STXBP5L: variants seen among roughly 807,000 people sequenced by gnomAD.
STXBP5L encodes the protein syntaxin-binding protein 5-like.
A neutral mutation model predicts 144.5 loss-of-function variants in STXBP5L; 65 were observed. The ratio of observed to expected loss-of-function variants is 0.45; its 90% CI spans 0.37 to 0.55. STXBP5L has a LOEUF of 0.55. STXBP5L is among the 20% of genes least tolerant of loss of function. The pLI, the probability that STXBP5L is intolerant of heterozygous loss-of-function variation, is 0.00. For synonymous variants in STXBP5L, 505 were observed against 469.6 expected (o/e 1.08, Z -0.97); for missense variants, 1,298 against 1,405.5 (o/e 0.92, Z 1.22).
intron 20 of STXBP5L, among the ~76,000 whole-genome samples, chr3:121,355,627 C>G (rs1478792383): frequency 2.0e-5 from 3 of 152,114 alleles, no homozygotes; most frequent in Non-Finnish European, 4.4e-5. Context: ...GTGATGGGTT[C>G]TAACCTGCTC....
chr3:121,410,823 A>G (rs2047098932), intron 23 of STXBP5L, among the ~76,000 whole-genome samples: 1 of 152,102 alleles, frequency 6.6e-6, no homozygotes, highest in Admixed American at 6.6e-5. Flanking sequence ...TTCTGTTATA[A>G]GAGCAATTGT....
At chr3:121,157,469 T>TC in intron 8 of STXBP5L, 35 bp from the exon 9 acceptor site, 1 of 1,539,872 alleles carries the variant, frequency 6.5e-7, no homozygotes, top group Non-Finnish European at 8.7e-7. Flanking sequence ...TCTACTTTTT[T>TC]CCCCCTCTAC....
chr3:121,270,011 C>T (rs1435504473), intron 18 of STXBP5L, among the ~76,000 whole-genome samples: 3 of 152,130 alleles, frequency 2.0e-5, no homozygotes, highest in East Asian at 1.9e-4. Context: ...GCATATCTCA[C>T]GTTTCAGTTT....
rs116521263 is a variant in STXBP5L at position 121,406,021 on chromosome 3, A to T, written c.2588-1222A>T. On this transcript the variant is annotated intron_variant, in intron 22 of 26. Coordinates refer to ENST00000471454, the MANE Select transcript of STXBP5L (RefSeq NM_001308330.2). ...TCTTTCTATGGCAGGTAGTTAGGAA[A>T]ATGTGGTTTTACTGAACAGCAGGAT... Among the ~76,000 whole-genome samples, 191 of 152,176 alleles carry T rather than the reference A, an allele frequency of 1.3e-3. 1 individual carries two copies. Among genetic ancestry groups the T allele is most frequent in the African/African-American group, 4.3e-3 (178 of 41,550 alleles).
intron 3 of STXBP5L, among the ~76,000 whole-genome samples, chr3:121,029,341 C>G (rs1166388539): frequency 6.6e-6 from 1 of 152,140 alleles, no homozygotes; most frequent in Non-Finnish European, 1.5e-5. Context: ...ATATATAGAC[C>G]AATGGAACAC....
intron 7 of STXBP5L, among the ~76,000 whole-genome samples, chr3:121,145,970 C>T (rs2045699620): frequency 6.6e-6 from 1 of 152,040 alleles, no homozygotes; most frequent in East Asian, 1.9e-4. Flanking sequence ...AATTTGCTCT[C>T]TCTACTGGAA....
chr3:121,356,811 T>A (rs2045530824), intron 20 of STXBP5L, among the ~76,000 whole-genome samples: 1 of 152,196 alleles, frequency 6.6e-6, no homozygotes, highest in Non-Finnish European at 1.5e-5. Context: ...TGTTCCTATT[T>A]GGCCATCTTG....
intron 5 of STXBP5L, among the ~76,000 whole-genome samples, chr3:121,087,805 A>G (rs1353442060): frequency 6.6e-6 from 1 of 151,562 alleles, no homozygotes; most frequent in Non-Finnish European, 1.5e-5. Context: ...TTGACTTATT[A>G]TTAGTTAATT....
chr3:121,326,342 A>T (rs1049944852), intron 20 of STXBP5L, among the ~76,000 whole-genome samples: 70 of 151,960 alleles, frequency 4.6e-4, no homozygotes, highest in Non-Finnish European at 8.5e-4. Flanking sequence ...GTGACCCCAG[A>T]ATGCTTGCTT....
intron 3 of STXBP5L, among the ~76,000 whole-genome samples, chr3:121,032,343 T>A (rs1946430534): frequency 6.6e-6 from 1 of 151,472 alleles, no homozygotes; most frequent in Admixed American, 6.6e-5. Flanking sequence ...TAAAGTCAAA[T>A]ATTGCAATAG....
chr3:121,092,597 C>A (rs1195732802), intron 5 of STXBP5L, among the ~76,000 whole-genome samples: 1 of 152,106 alleles, frequency 6.6e-6, no homozygotes, highest in Admixed American at 6.6e-5. Context: ...TATAAGAATG[C>A]TTGTGATTTT....
chr3:121,205,565 T>C (rs948590393), intron 9 of STXBP5L, among the ~76,000 whole-genome samples: 1 of 152,244 alleles, frequency 6.6e-6, no homozygotes, highest in African/African-American at 2.4e-5. Flanking sequence ...CATTTCATTA[T>C]GTAGATAAGT....
At chr3:121,398,959 A>C (rs1328714356) in intron 22 of STXBP5L, among the ~76,000 whole-genome samples, 2 of 152,110 alleles carry the variant, frequency 1.3e-5, no homozygotes, top group Non-Finnish European at 2.9e-5. Context: ...TCGAACAGAC[A>C]CTGGGGCAAC....
At chr3:121,072,128 G>A (rs573927589) in intron 5 of STXBP5L, among the ~76,000 whole-genome samples, 107 of 152,338 alleles carry the variant, frequency 7.0e-4, no homozygotes, top group Non-Finnish European at 1.2e-3. Flanking sequence ...AAAGTTAAAG[G>A]CAGTTCAAAT....
intron 3 of STXBP5L, among the ~76,000 whole-genome samples, chr3:121,036,771 G>GTT (rs1946780878): frequency 2.3e-4 from 17 of 72,420 alleles, no homozygotes; most frequent in African/African-American, 8.8e-4. Flanking sequence ...TACATTGATT[G>GTT]ATTTTTTTTT....
chr3:121,232,820 A>G (rs998606543), intron 11 of STXBP5L, among the ~76,000 whole-genome samples: 1 of 152,166 alleles, frequency 6.6e-6, no homozygotes, highest in Non-Finnish European at 1.5e-5. Context: ...TCAGCGCGTA[A>G]TAAGTCATGA....
intron 19 of STXBP5L, among the ~76,000 whole-genome samples, chr3:121,291,912 A>T (rs1380769230): frequency 6.6e-6 from 1 of 152,208 alleles, no homozygotes; most frequent in Non-Finnish European, 1.5e-5. Context: ...ACTCAGGATG[A>T]ATCAAAGACT....
intron 2 of STXBP5L, among the ~76,000 whole-genome samples, chr3:120,950,256 C>A (rs1447268830): frequency 2.0e-5 from 3 of 151,956 alleles, no homozygotes; most frequent in Non-Finnish European, 4.4e-5. Flanking sequence ...GTTGCTACAG[C>A]ACCATTTGCT....
Position 120,984,492 on chromosome 3 carries a change from T to C in STXBP5L, c.287+29455T>C, listed in dbSNP as rs537413511. On this transcript the variant is annotated intron_variant, in intron 3 of 26. Transcript: ENST00000471454. ...CTTTGTGTCCTACTATTTTGCTCAA[T>C]TCATTTATTAGTTCTAACGGGATTT... Among the ~76,000 whole-genome samples, 19 of 152,234 alleles carry C rather than the reference T, an allele frequency of 1.2e-4. No homozygotes were observed. The East Asian group carries it at 3.7e-3, about 29-fold the overall frequency.
Sources: gnomAD v4.1 joint callset for allele counts (sites outside exome capture counted in the v4.1 genomes callset) on GRCh38, gnomAD v4.1.1 for gene constraint, MANE v1.5 for transcripts, NCBI Gene and HGNC (gene_info 2026-07-23, HGNC 2026-07-21) for gene names.